The following FBXW7 variants were observed in gnomAD, a reference collection of about 807,000 sequenced individuals.
FBXW7 encodes F-box and WD repeat domain containing 7.
A neutral mutation model predicts 86.3 loss-of-function variants in FBXW7; 11 were observed. The observed-to-expected ratio is 0.13, with a 90% CI of 0.08 to 0.21. The LOEUF is 0.21. Among genes scored for constraint, FBXW7 ranks in the 10% least tolerant of loss-of-function variants. The probability of loss-of-function intolerance (pLI) is 1.00; values close to 1 mark genes in which losing one functional copy is unlikely to be tolerated. For synonymous variants in FBXW7, 313 were observed against 297.9 expected (o/e 1.05, Z -0.52); for missense variants, 488 against 847.4 (o/e 0.58, Z 5.27).
chr4:152,415,927 C>G (rs890001501), intron 2 of FBXW7, among the ~76,000 whole-genome samples: 1 of 152,024 alleles, frequency 6.6e-6, no homozygotes, highest in East Asian at 1.9e-4. Flanking sequence ...TAAAATAATA[C>G]CCCCCAGCAT....
chr4:152,521,850 G>A (rs1429145953), intron 2 of FBXW7, among the ~76,000 whole-genome samples: 1 of 114,784 alleles, frequency 8.7e-6, no homozygotes, highest in Non-Finnish European at 1.6e-5. Context: ...ACTGAGTCTC[G>A]CCCTGTCACC....
At chr4:152,508,773 T>C (rs956714860) in intron 2 of FBXW7, among the ~76,000 whole-genome samples, 11 of 152,132 alleles carry the variant, frequency 7.2e-5, no homozygotes, top group Non-Finnish European at 1.2e-4. Flanking sequence ...TAGGATACTT[T>C]TTTTTTTCCT....
At chr4:152,373,500 C>A (rs777164422) in intron 4 of FBXW7, among the ~76,000 whole-genome samples, 1 of 151,878 alleles carries the variant, frequency 6.6e-6, no homozygotes, top group African/African-American at 2.4e-5. Context: ...GTGCTCAATA[C>A]GTATTTTTTC....
chr4:152,482,709 C>A (rs1258622515), intron 2 of FBXW7, among the ~76,000 whole-genome samples: 1 of 152,040 alleles, frequency 6.6e-6, no homozygotes, highest in Non-Finnish European at 1.5e-5. Context: ...AGAGATATTT[C>A]TTTATTTACT....
intron 4 of FBXW7, among the ~76,000 whole-genome samples, chr4:152,371,244 G>T: frequency 6.6e-6 from 1 of 151,748 alleles, no homozygotes; most frequent in East Asian, 1.9e-4. Flanking sequence ...TAATTTATAT[G>T]TGAGATACAT....
intron 4 of FBXW7, among the ~76,000 whole-genome samples, chr4:152,355,397 A>G (rs1051627533): frequency 6.6e-6 from 1 of 152,118 alleles, no homozygotes; most frequent in Non-Finnish European, 1.5e-5. Context: ...AAAGTATTTT[A>G]TGCCTTACAC....
intron 2 of FBXW7, among the ~76,000 whole-genome samples, chr4:152,534,379 A>C (rs1750283463): frequency 6.6e-6 from 1 of 152,192 alleles, no homozygotes; most frequent in Non-Finnish European, 1.5e-5. Context: ...AGTAACTGAC[A>C]TCTGTTACAG....
rs539623576 is a variant in FBXW7, at chr4:152,321,637, C to G, written c.*1244G>C. On this transcript the variant is annotated 3_prime_UTR_variant, in exon 14 of 14. Coordinates refer to ENST00000281708, the MANE Select transcript of FBXW7 (RefSeq NM_001349798.2). Reference sequence around the variant, plus strand: ...TTGTCAGTTACTCAGAGCAATAAAACTGTAACAGTTGTTTTCCCAAATACT... The same window carrying G: ...TTGTCAGTTACTCAGAGCAATAAAAGTGTAACAGTTGTTTTCCCAAATACT... The G allele has an allele frequency of 2.6e-5, 6 of 233,032 alleles. No homozygotes were observed. The highest frequency in any genetic ancestry group is 1.2e-3 in the Middle Eastern group (1 of 804). 14.4% of individuals were successfully genotyped at this position (233,032 alleles called of 1,614,324 possible).
intron 2 of FBXW7, among the ~76,000 whole-genome samples, chr4:152,526,143 C>T (rs1463129094): frequency 2.0e-5 from 3 of 152,082 alleles, no homozygotes; most frequent in East Asian, 1.9e-4. Context: ...TTAATGGGGT[C>T]GTTTTTCTCT....
intron 2 of FBXW7, among the ~76,000 whole-genome samples, chr4:152,522,768 C>T (rs1279898686): frequency 6.6e-6 from 1 of 152,122 alleles, no homozygotes; most frequent in African/African-American, 2.4e-5. Flanking sequence ...TTAATACTAA[C>T]AAAGAAGTAA....
chr4:152,322,610 A>C lies in FBXW7; in HGVS notation c.*271T>G, dbSNP rs1728647671. 2.2e-6 allele frequency: 1 copy of C among 446,904 alleles called. No individual in the cohort carries two copies. Among genetic ancestry groups the C allele is most frequent in the Non-Finnish European group, 3.9e-6 (1 of 255,538 alleles). The allele number at this position is 446,904 out of a possible 1,614,324, so 27.7% of individuals were successfully genotyped here. ...AATAATTGCACCTGGTTTGATTTAGAAAGTCTCATTTTGCAAAGCTGCCCT... is the reference window on the plus strand; with the variant it reads ...AATAATTGCACCTGGTTTGATTTAGCAAGTCTCATTTTGCAAAGCTGCCCT... On this transcript the variant is annotated 3_prime_UTR_variant, in exon 14 of 14. Coordinates refer to ENST00000281708, the MANE Select transcript of FBXW7 (RefSeq NM_001349798.2).
At chr4:152,461,278 A>T (rs1191842521) in intron 2 of FBXW7, among the ~76,000 whole-genome samples, 2 of 152,122 alleles carry the variant, frequency 1.3e-5, no homozygotes, top group Admixed American at 1.3e-4. Context: ...AAAATATAAT[A>T]TAAAAATTTC....
chr4:152,347,110 G>C (rs1352717431), intron 5 of FBXW7, 39 bp from the exon 6 acceptor site: 1 of 1,556,938 alleles, frequency 6.4e-7, no homozygotes, highest in South Asian at 1.2e-5. Flanking sequence ...AAGGATAAAA[G>C]GAAAAAAACA....
intron 2 of FBXW7, among the ~76,000 whole-genome samples, chr4:152,485,644 T>C (rs577157264): frequency 1.6e-4 from 25 of 152,300 alleles, no homozygotes; most frequent in South Asian, 6.2e-4. Context: ...CACCCAGTAA[T>C]GCATCCATGA....
intron 4 of FBXW7, among the ~76,000 whole-genome samples, chr4:152,351,987 C>T (rs1731866435): frequency 6.6e-6 from 1 of 152,034 alleles, no homozygotes; most frequent in South Asian, 2.1e-4. Context: ...ACTGAAAATA[C>T]TGACTTCAGA....
chr4:152,534,101 C>G (rs181221826), intron 2 of FBXW7, among the ~76,000 whole-genome samples: 1 of 151,966 alleles, frequency 6.6e-6, no homozygotes, highest in African/African-American at 2.4e-5. Flanking sequence ...AAATACAAGT[C>G]AAAGGTTTTA....
At chr4:152,331,626 G>C (rs1729573632) in intron 8 of FBXW7, among the ~76,000 whole-genome samples, 1 of 151,944 alleles carries the variant, frequency 6.6e-6, no homozygotes, top group African/African-American at 2.4e-5. Flanking sequence ...ATGAAGTTCT[G>C]AACACAGATG....
At chr4:152,519,319 T>C (rs59367428) in intron 2 of FBXW7, among the ~76,000 whole-genome samples, 1 of 149,764 alleles carries the variant, frequency 6.7e-6, no homozygotes, top group Non-Finnish European at 1.5e-5. Flanking sequence ...AATAAATAAA[T>C]AAAGAAAGAA....
chr4:152,394,552 A>G (rs1736258770), intron 4 of FBXW7, among the ~76,000 whole-genome samples: 1 of 152,132 alleles, frequency 6.6e-6, no homozygotes. Flanking sequence ...AATGTAGGCA[A>G]AAGTCAATGG....
Sources: gnomAD v4.1 joint callset for allele counts (sites outside exome capture counted in the v4.1 genomes callset) on GRCh38, gnomAD v4.1.1 for gene constraint, MANE v1.5 for transcripts, NCBI Gene and HGNC (gene_info 2026-07-23, HGNC 2026-07-21) for gene names.